MBOAT2: variants seen among roughly 807,000 people sequenced by gnomAD.
The protein encoded by MBOAT2 is membrane-bound glycerophospholipid O-acyltransferase 2.
MBOAT2 carries 28 observed loss-of-function variants against 63.4 expected under a neutral mutation model. The ratio of observed to expected loss-of-function variants is 0.44; its 90% CI spans 0.33 to 0.61. The LOEUF is 0.61. Among genes scored for constraint, MBOAT2 ranks in the 20% least tolerant of loss-of-function variants. The pLI is 0.03. For missense variants in MBOAT2, 470 were observed against 605.8 expected (o/e 0.78, Z 2.35); for synonymous variants, 211 against 215.6 (o/e 0.98, Z 0.19).
At chr2:8,891,941 G>A (rs1036194932) in intron 4 of MBOAT2, among the ~76,000 whole-genome samples, 9 of 152,294 alleles carry the variant, frequency 5.9e-5, no homozygotes, top group Non-Finnish European at 1.3e-4. Context: ...TTCAACTGAT[G>A]TAACAGTTTC....
intron 5 of MBOAT2, among the ~76,000 whole-genome samples, chr2:8,886,157 C>G (rs1490848120): frequency 6.6e-6 from 1 of 152,192 alleles, no homozygotes; most frequent in African/African-American, 2.4e-5. Context: ...GGGTGCTGAG[C>G]GTCTAAAGAG....
intron 3 of MBOAT2, among the ~76,000 whole-genome samples, chr2:8,931,180 C>T (rs186273662): frequency 3.1e-4 from 47 of 152,328 alleles, no homozygotes; most frequent in African/African-American, 1.1e-3. Context: ...TCTCCACAGC[C>T]TCACCAGCAT....
rs72771525 is a variant in MBOAT2 at position 8,924,635 on chromosome 2, C to T, written c.300-15919G>A. On this transcript the variant is annotated intron_variant, in intron 3 of 12. Coordinates refer to ENST00000305997, the MANE Select transcript of MBOAT2 (RefSeq NM_138799.4). ...CACTGATACATGAAGTCACTTGATT[C>T]TTTCCTGTTCTCACTTTTGTTTACA... is the stretch of plus-strand genomic sequence containing the variant. Among the ~76,000 whole-genome samples the T allele has an allele frequency of 8.0e-3, 1,222 of 151,884 alleles. 7 individuals carry two copies. Among genetic ancestry groups the T allele is most frequent in the Non-Finnish European group, 0.014 (984 of 67,980 alleles).
chr2:8,947,652 T>C (rs1668513518), intron 2 of MBOAT2, among the ~76,000 whole-genome samples: 1 of 152,210 alleles, frequency 6.6e-6, no homozygotes, highest in Non-Finnish European at 1.5e-5. Flanking sequence ...ACTCTGTTAA[T>C]GGAAAAACAA....
chr2:8,880,066 G>A (rs1662999665), intron 6 of MBOAT2, among the ~76,000 whole-genome samples: 2 of 152,094 alleles, frequency 1.3e-5, no homozygotes, highest in Non-Finnish European at 2.9e-5. Flanking sequence ...TATAGGGGAA[G>A]CCACTGGAGG....
chr2:8,946,692 A>C (rs1445741479), intron 2 of MBOAT2, among the ~76,000 whole-genome samples: 3 of 152,204 alleles, frequency 2.0e-5, no homozygotes, highest in Non-Finnish European at 4.4e-5. Flanking sequence ...ATCTGTGATC[A>C]GCGATCTTTG....
chr2:8,955,948 C>A (rs1669185284), intron 2 of MBOAT2, among the ~76,000 whole-genome samples: 2 of 152,012 alleles, frequency 1.3e-5, no homozygotes, highest in Admixed American at 1.3e-4. Context: ...TATTTTTTTA[C>A]CAATAAAAAA....
chr2:8,995,833 C>T lies in MBOAT2; in HGVS notation c.75+7707G>A, dbSNP rs967183386. Among the ~76,000 whole-genome samples, 10 of 152,248 alleles carry T rather than the reference C, an allele frequency of 6.6e-5. No individual in the cohort carries two copies. The South Asian group carries it at 8.3e-4, about 13-fold the overall frequency. The stretch of plus-strand genomic sequence containing the variant: ...GTCTCGATCTCCTGACCTTGTGATC[C>T]GCCCGCCTCGGCCTCCCAAAGTGCT... On this transcript the variant is annotated intron_variant, in intron 1 of 12. Coordinates refer to ENST00000305997, the MANE Select transcript of MBOAT2 (RefSeq NM_138799.4).
At chr2:8,932,979 C>T (rs1364479787) in intron 3 of MBOAT2, among the ~76,000 whole-genome samples, 2 of 152,212 alleles carry the variant, frequency 1.3e-5, no homozygotes, top group Admixed American at 6.5e-5. Context: ...TCCTCATTTA[C>T]TAACCAAAAG....
chr2:8,961,025 G>A (rs532500844), intron 1 of MBOAT2, among the ~76,000 whole-genome samples: 2 of 152,328 alleles, frequency 1.3e-5, no homozygotes, highest in African/African-American at 2.4e-5. Context: ...ACACCACGGC[G>A]TTTGAGCCCA....
At chr2:8,951,641 T>C (rs1484326268) in intron 2 of MBOAT2, among the ~76,000 whole-genome samples, 1 of 152,246 alleles carries the variant, frequency 6.6e-6, no homozygotes, top group Non-Finnish European at 1.5e-5. Flanking sequence ...TTTCAATTTC[T>C]TCCTGATTCA....
At chr2:8,923,158 T>G (rs372153037) in intron 3 of MBOAT2, among the ~76,000 whole-genome samples, 1 of 152,250 alleles carries the variant, frequency 6.6e-6, no homozygotes, top group Non-Finnish European at 1.5e-5. Flanking sequence ...GTTAGACTTA[T>G]GGTAGGGACT....
chr2:8,924,514 T>C (rs546341621), intron 3 of MBOAT2, among the ~76,000 whole-genome samples: 5 of 152,146 alleles, frequency 3.3e-5, no homozygotes, highest in Non-Finnish European at 7.4e-5. Flanking sequence ...AAAATAAAAA[T>C]CGTGAGGGAT....
At chr2:8,956,902 A>G (rs1669267651) in intron 2 of MBOAT2, among the ~76,000 whole-genome samples, 1 of 152,162 alleles carries the variant, frequency 6.6e-6, no homozygotes, top group Admixed American at 6.5e-5. Context: ...ATGTTACACA[A>G]CTGTAGGAGA....
At chr2:8,886,794 A>C (rs150273199) in intron 5 of MBOAT2, among the ~76,000 whole-genome samples, 1 of 152,176 alleles carries the variant, frequency 6.6e-6, no homozygotes, top group Non-Finnish European at 1.5e-5. Context: ...CGACTTTCCT[A>C]TATTCTCTTT....
At chr2:8,932,201 T>C (rs1667369720) in intron 3 of MBOAT2, among the ~76,000 whole-genome samples, 1 of 152,188 alleles carries the variant, frequency 6.6e-6, no homozygotes, top group Non-Finnish European at 1.5e-5. Context: ...GTTATATTTT[T>C]AGTCAGTTGA....
intron 1 of MBOAT2, among the ~76,000 whole-genome samples, chr2:8,993,749 T>C (rs1455286047): frequency 6.6e-6 from 1 of 152,186 alleles, no homozygotes; most frequent in East Asian, 1.9e-4. Context: ...TGCATTCAAC[T>C]GCAGTACCTC....
intron 4 of MBOAT2, among the ~76,000 whole-genome samples, chr2:8,903,673 T>C (rs1665128989): frequency 6.6e-6 from 1 of 152,202 alleles, no homozygotes. Context: ...AGCCTAGCTT[T>C]CCCCACGGAT....
At chr2:8,938,440 A>C (rs1022212371) in intron 3 of MBOAT2, among the ~76,000 whole-genome samples, 2 of 152,148 alleles carry the variant, frequency 1.3e-5, no homozygotes, top group African/African-American at 4.8e-5. Flanking sequence ...CTACTTATTA[A>C]GGTGCCAGTG....
Sources: allele counts gnomAD v4.1 joint callset (sites outside exome capture counted in the v4.1 genomes callset), GRCh38; gene constraint gnomAD v4.1.1; transcripts MANE v1.5; gene names NCBI Gene and HGNC (gene_info 2026-07-23, HGNC 2026-07-21).